Variants in DLGAP1 observed in about 807,000 individuals in gnomAD.
The protein encoded by DLGAP1 is disks large-associated protein 1.
In DLGAP1, 11 loss-of-function variants were observed where a neutral mutation model predicts 90.8. That is an observed-to-expected ratio of 0.12 (90% CI 0.08 to 0.20). DLGAP1 has a LOEUF of 0.20. Among genes scored for constraint, DLGAP1 ranks in the 10% least tolerant of loss-of-function variants. The pLI is 1.00. For missense variants in DLGAP1, 1,050 were observed against 1,333.8 expected, an observed-to-expected ratio of 0.79 and a Z score of 3.31; for synonymous variants, 558 against 540.7, an observed-to-expected ratio of 1.03 and a Z score of -0.44.
chr18:4,137,179 C>T (rs910382007), intron 2 of DLGAP1, among the ~76,000 whole-genome samples: 2 of 152,056 alleles, frequency 1.3e-5, no homozygotes, highest in Admixed American at 6.6e-5. Flanking sequence ...CGATAGTTTG[C>T]TGAGAATGAT....
chr18:3,528,636 A>T (rs2051800137), intron 10 of DLGAP1, among the ~76,000 whole-genome samples: 1 of 152,222 alleles, frequency 6.6e-6, no homozygotes, highest in Non-Finnish European at 1.5e-5. Flanking sequence ...TCTCTAGGCC[A>T]TCGTCAGGGG....
intron 1 of DLGAP1, among the ~76,000 whole-genome samples, chr18:4,173,034 A>G (rs536955703): frequency 1.7e-4 from 26 of 152,288 alleles, no homozygotes; most frequent in African/African-American, 5.5e-4. Flanking sequence ...GTTTTCCACA[A>G]TTTTTTAAAA....
intron 3 of DLGAP1, among the ~76,000 whole-genome samples, chr18:3,892,925 A>C (rs1266233443): frequency 4.0e-5 from 6 of 148,294 alleles, no homozygotes; most frequent in Non-Finnish European, 8.9e-5. Context: ...TATATATATA[A>C]TTTTTTATAG....
intron 3 of DLGAP1, among the ~76,000 whole-genome samples, chr18:4,004,504 C>T (rs1412295555): frequency 6.6e-6 from 1 of 151,952 alleles, no homozygotes; most frequent in African/African-American, 2.4e-5. Context: ...CCATTTTTAG[C>T]CCTGAAATAC....
At chr18:3,757,451 C>A (rs192198889) in intron 5 of DLGAP1, among the ~76,000 whole-genome samples, 1 of 152,154 alleles carries the variant, frequency 6.6e-6, no homozygotes, top group East Asian at 1.9e-4. Flanking sequence ...GGAAAGGAAA[C>A]TACCTACTAA....
chr18:3,742,543 G>A (rs1176500013), intron 5 of DLGAP1, 31 bp from the exon 6 acceptor site: 4 of 1,610,132 alleles, frequency 2.5e-6, no homozygotes, highest in Non-Finnish European at 1.7e-6. Context: ...AGGTGCATTA[G>A]TCACATTCCA....
intron 1 of DLGAP1, among the ~76,000 whole-genome samples, chr18:4,451,022 A>G (rs1307527524): frequency 6.6e-6 from 1 of 152,194 alleles, no homozygotes; most frequent in East Asian, 1.9e-4. Flanking sequence ...CCTAAGTGGG[A>G]TGTTACTTGC....
chr18:3,897,870 C>T (rs191152279), intron 3 of DLGAP1, among the ~76,000 whole-genome samples: 1 of 147,272 alleles, frequency 6.8e-6, no homozygotes, highest in Non-Finnish European at 1.5e-5. Context: ...TCTCGGCTCA[C>T]TGCAAGCTCC....
intron 5 of DLGAP1, among the ~76,000 whole-genome samples, chr18:3,795,732 C>T (rs1315966990): frequency 6.6e-6 from 1 of 152,160 alleles, no homozygotes; most frequent in Non-Finnish European, 1.5e-5. Context: ...GATCCTCCCA[C>T]CTCAGCCTCC....
intron 1 of DLGAP1, among the ~76,000 whole-genome samples, chr18:4,176,658 T>A (rs116297025): frequency 6.6e-6 from 1 of 152,224 alleles, no homozygotes; most frequent in Non-Finnish European, 1.5e-5. Flanking sequence ...CTGATATTAA[T>A]ACTATTACTA....
At chr18:4,150,096 T>G (rs990341570) in intron 2 of DLGAP1, among the ~76,000 whole-genome samples, 22 of 152,306 alleles carry the variant, frequency 1.4e-4, no homozygotes, top group African/African-American at 5.3e-4. Context: ...AACCCACCCA[T>G]AATTTGGCCT....
chr18:3,994,070 A>T (rs2074021187), intron 3 of DLGAP1, among the ~76,000 whole-genome samples: 1 of 152,070 alleles, frequency 6.6e-6, no homozygotes, highest in South Asian at 2.1e-4. Context: ...TCTGTTTATT[A>T]AGAGTGAGAA....
chr18:3,835,743 C>T (rs2068339764), intron 4 of DLGAP1, among the ~76,000 whole-genome samples: 1 of 151,988 alleles, frequency 6.6e-6, no homozygotes, highest in Non-Finnish European at 1.5e-5. Flanking sequence ...GAGGGCATCC[C>T]ACATAAGTTT....
intron 5 of DLGAP1, chr18:3,774,635 T>C (rs1276643325): frequency 1.3e-5 from 2 of 152,214 alleles, no homozygotes; most frequent in Non-Finnish European, 2.9e-5. Context: ...TCCATTCGGT[T>C]ATTTGGCCTA....
intron 9 of DLGAP1, among the ~76,000 whole-genome samples, chr18:3,562,593 G>A (rs2054197498): frequency 6.9e-6 from 1 of 144,254 alleles, no homozygotes; most frequent in Admixed American, 7.0e-5. Context: ...CACCCAGGCT[G>A]GAGTGCAGTG....
chr18:3,696,453 A>G (rs912823860), intron 7 of DLGAP1, among the ~76,000 whole-genome samples: 5 of 152,182 alleles, frequency 3.3e-5, no homozygotes, highest in African/African-American at 1.2e-4. Context: ...TATTGAAATA[A>G]TCGTGTGTTT....
chr18:3,503,862 G>A (rs1022734290), intron 11 of DLGAP1, among the ~76,000 whole-genome samples: 2 of 152,192 alleles, frequency 1.3e-5, no homozygotes, highest in Non-Finnish European at 2.9e-5. Context: ...TTGGGAGTCC[G>A]AAGTGGGTGG....
chr18:4,166,889 A>C (rs749224567), intron 1 of DLGAP1, among the ~76,000 whole-genome samples: 13 of 152,244 alleles, frequency 8.5e-5, no homozygotes, highest in Non-Finnish European at 1.3e-4. Context: ...GAAGGAGGAA[A>C]TGTTCTTGCT....
intron 1 of DLGAP1, among the ~76,000 whole-genome samples, chr18:4,156,554 C>T (rs1234481731): frequency 1.3e-5 from 2 of 152,130 alleles, no homozygotes; most frequent in Non-Finnish European, 2.9e-5. Flanking sequence ...TTTTGGCAGT[C>T]CTTTTTAAAA....
Sources: gnomAD v4.1 joint callset for allele counts (sites outside exome capture counted in the v4.1 genomes callset) on GRCh38, gnomAD v4.1.1 for gene constraint, MANE v1.5 for transcripts, NCBI Gene and HGNC (gene_info 2026-07-23, HGNC 2026-07-21) for gene names.